Variants in PHLPP2 observed in about 807,000 individuals in gnomAD.
The protein encoded by PHLPP2 is PH domain leucine-rich repeat-containing protein phosphatase 2.
A neutral mutation model predicts 124.9 loss-of-function variants in PHLPP2; 66 were observed. The ratio of observed to expected loss-of-function variants is 0.53; its 90% CI spans 0.43 to 0.65. The LOEUF (loss-of-function observed/expected upper bound fraction) is 0.65. PHLPP2 is among the 30% of genes least tolerant of loss of function. PHLPP2 has a pLI of 0.00. For synonymous variants in PHLPP2, 681 were observed against 624.7 expected, an observed-to-expected ratio of 1.09 and a Z score of -1.34; for missense variants, 1,685 against 1,600.4, an observed-to-expected ratio of 1.05 and a Z score of -0.90.
In PHLPP2 at chr16:71,649,279, C is replaced by T; in HGVS notation, c.3583G>A (p.Glu1195Lys). Residue 1195 changes from glutamate (E) to lysine (K), a missense_variant, in exon 19 of 19, where the codon GAG (glutamate) becomes AAG (lysine). Glu to Lys is a moderately conservative substitution (Grantham distance 56). Coordinates refer to ENST00000568954, the MANE Select transcript of PHLPP2 (RefSeq NM_015020.3). ...AAACACGACCCTCTAGCATGTTCCT[C>T]AGAACACAGGGTAGGAGAACTCTCT... ...LIESSPTLCS[E>K]EHARGSCFGI... 1 of 1,614,054 alleles carries T rather than the reference C, an allele frequency of 6.2e-7. No individual in the cohort carries two copies. Among genetic ancestry groups the T allele is most frequent in the East Asian group, 2.2e-5 (1 of 44,882 alleles).
At chr16:71,698,950 C>G (rs977974985) in intron 3 of PHLPP2, among the ~76,000 whole-genome samples, 3 of 152,158 alleles carry the variant, frequency 2.0e-5, no homozygotes, top group Non-Finnish European at 4.4e-5. Flanking sequence ...CACTCGGGCC[C>G]TTATGACCTT....
At position 71,649,840 on chromosome 16, in the gene PHLPP2, C is replaced by T. The variant is rs139007505; in HGVS notation, c.3022G>A (p.Ala1008Thr). The T allele has an allele frequency of 1.7e-5, 28 of 1,614,064 alleles. No homozygotes were observed. The highest frequency in any genetic ancestry group is 2.2e-5 in the Non-Finnish European group (26 of 1,180,002). ...AATGTGCACAGCTTCTTAGCAGCTG[C>T]TAATGGGTCTTGTACGTGACGTACA... ...NAVRHVQDPL[A>T]AAKKLCTLAQ... Residue 1008 changes from alanine to threonine, a missense_variant, in exon 19 of 19, where the codon GCA (alanine) becomes ACA (threonine). By Grantham distance (58) the Ala-to-Thr change is moderately conservative (BLOSUM62 0). Coordinates refer to ENST00000568954, the MANE Select transcript of PHLPP2 (RefSeq NM_015020.3).
At chr16:71,674,455 A>G (rs1019749827) in intron 9 of PHLPP2, among the ~76,000 whole-genome samples, 1 of 151,196 alleles carries the variant, frequency 6.6e-6, no homozygotes, top group African/African-American at 2.4e-5. Context: ...TATGGTTTTC[A>G]TCACTCTCAT....
At chr16:71,659,247 ATTTT>A (rs11357819) in intron 13 of PHLPP2, among the ~76,000 whole-genome samples, 6 of 89,830 alleles carry the variant, frequency 6.7e-5, no homozygotes, top group South Asian at 4.3e-4. Flanking sequence ...CATCACAAAG[ATTTT>A]TTTTTTTTTT....
At chr16:71,697,145 C>T (rs2045179691) in intron 3 of PHLPP2, among the ~76,000 whole-genome samples, 1 of 151,242 alleles carries the variant, frequency 6.6e-6, no homozygotes, top group Admixed American at 6.6e-5. Flanking sequence ...TGCACTCAAG[C>T]CTGGGCGACA....
At chr16:71,657,139 C>G (rs57997630) in intron 15 of PHLPP2, among the ~76,000 whole-genome samples, 51,584 of 151,748 alleles carry the variant, frequency 0.34, 9,553 homozygotes, top group East Asian at 0.73. Flanking sequence ...GACGGGGTTT[C>G]ACCATGTTGG....
intron 1 of PHLPP2, chr16:71,723,795 G>A (rs2045414789): frequency 1.5e-6 from 2 of 1,307,392 alleles, no homozygotes; most frequent in Admixed American, 3.2e-5. Context: ...CCTCCCGGCC[G>A]GCGGCTCGCG....
chr16:71,668,301 A>AC (rs1226569124), intron 11 of PHLPP2, among the ~76,000 whole-genome samples: 1 of 151,308 alleles, frequency 6.6e-6, no homozygotes, highest in African/African-American at 2.4e-5. Flanking sequence ...CTGTAGTCCC[A>AC]GCTACTCCGG....
In PHLPP2 at chr16:71,649,808, C is replaced by G; in HGVS notation, c.3054G>C (p.Gln1018His). The G allele has an allele frequency of 6.2e-7, 1 of 1,614,174 alleles. No individual in the cohort carries two copies. Among genetic ancestry groups the G allele is most frequent in the Non-Finnish European group, 8.5e-7 (1 of 1,179,980 alleles). The change falls in exon 19 of 19, where the codon CAG (glutamine) becomes CAC (histidine). Residue 1018 changes from glutamine (Q) to histidine (H), a missense_variant. Coordinates refer to ENST00000568954, the MANE Select transcript of PHLPP2 (RefSeq NM_015020.3). ...CTACATTGTCCTGACAGCCATAGCT[C>G]TGCGCTAATGTGCACAGCTTCTTAG... Reference protein sequence around the residue: ...AAAKKLCTLAQSYGCQDNVGA... With the variant: ...AAAKKLCTLAHSYGCQDNVGA...
At chr16:71,654,782 TG>T (rs1285860566) in intron 17 of PHLPP2, among the ~76,000 whole-genome samples, 1 of 152,248 alleles carries the variant, frequency 6.6e-6, no homozygotes, top group African/African-American at 2.4e-5. Flanking sequence ...CATCTGTATA[TG>T]GTTTTTGCCC....
At chr16:71,672,229 G>T in intron 10 of PHLPP2, 33 bp downstream of exon 10, 2 of 1,557,034 alleles carry the variant, frequency 1.3e-6, no homozygotes, top group Non-Finnish European at 1.8e-6. Flanking sequence ...TAAATAGTAA[G>T]AAGCAAGCGC....
chr16:71,686,109 C>T (rs1386791471), intron 4 of PHLPP2, among the ~76,000 whole-genome samples: 2 of 152,146 alleles, frequency 1.3e-5, no homozygotes, highest in Non-Finnish European at 2.9e-5. Flanking sequence ...CTGTCTCAAA[C>T]ACACACACAA....
chr16:71,670,083 G>T (rs1193100751), intron 10 of PHLPP2, among the ~76,000 whole-genome samples: 1 of 152,214 alleles, frequency 6.6e-6, no homozygotes, highest in Non-Finnish European at 1.5e-5. Flanking sequence ...GTTAGAATAT[G>T]AAGATGTTGT....
At chr16:71,714,341 T>C (rs944355833) in intron 2 of PHLPP2, among the ~76,000 whole-genome samples, 171 bp downstream of exon 2, 4 of 152,220 alleles carry the variant, frequency 2.6e-5, no homozygotes, top group African/African-American at 7.2e-5. Context: ...GTCAATAGTT[T>C]TTAAATTCAA....
chr16:71,697,267 C>G (rs1465955015), intron 3 of PHLPP2, among the ~76,000 whole-genome samples: 2 of 152,004 alleles, frequency 1.3e-5, no homozygotes, highest in East Asian at 3.9e-4. Context: ...AATTATTGCT[C>G]TGATTATTGC....
intron 8 of PHLPP2, 65 bp from the exon 9 acceptor site, chr16:71,676,714 A>C (rs546896409): frequency 1.7e-6 from 2 of 1,197,696 alleles, no homozygotes; most frequent in Admixed American, 1.8e-5. Flanking sequence ...TACCAGAATA[A>C]AAATAAAAAA....
intron 11 of PHLPP2, among the ~76,000 whole-genome samples, chr16:71,667,779 A>C (rs1469720784): frequency 6.6e-6 from 1 of 152,236 alleles, no homozygotes; most frequent in African/African-American, 2.4e-5. Flanking sequence ...AAGGTTCAGT[A>C]ACTTTGATTT....
chr16:71,665,035 C>T (rs986284704), intron 12 of PHLPP2, among the ~76,000 whole-genome samples: 4 of 152,044 alleles, frequency 2.6e-5, no homozygotes, highest in East Asian at 1.9e-4. Context: ...TCCGGCTGGG[C>T]GAGGTGGCTC....
chr16:71,706,858 T>C, intron 2 of PHLPP2, among the ~76,000 whole-genome samples: 1 of 151,804 alleles, frequency 6.6e-6, no homozygotes, highest in East Asian at 1.9e-4. Context: ...TGTGTTAACT[T>C]ATTCACACCA....
Sources: gnomAD v4.1 joint callset for allele counts (sites outside exome capture counted in the v4.1 genomes callset) on GRCh38, gnomAD v4.1.1 for gene constraint, MANE v1.5 for transcripts, NCBI Gene and HGNC (gene_info 2026-07-23, HGNC 2026-07-21) for gene names.